Variants in SLC5A9 observed in about 807,000 individuals in gnomAD.
SLC5A9 encodes solute carrier family 5 member 9, also known as sodium/glucose cotransporter 4.
Under a neutral mutation model 70.9 loss-of-function variants are expected in SLC5A9, and 59 were observed. The observed-to-expected ratio is 0.83, with a 90% confidence interval of 0.68 to 1.03. The LOEUF is 1.03. Ranked by LOEUF, SLC5A9 falls within the 50% of genes least tolerant of loss-of-function variation. The pLI is 0.00. For missense variants in SLC5A9, 832 were observed against 881.1 expected (o/e 0.94, Z 0.71); for synonymous variants, 340 against 346.5 (o/e 0.98, Z 0.21).
intron 2 of SLC5A9, among the ~76,000 whole-genome samples, chr1:48,226,826 G>C (rs1219025933): frequency 6.6e-6 from 1 of 152,200 alleles, no homozygotes; most frequent in African/African-American, 2.4e-5. Context: ...ACTGCTCCAA[G>C]AACTGCCTGG....
chr1:48,229,065 T>A, intron 3 of SLC5A9, 111 bp downstream of exon 3: 1 of 1,613,918 alleles, frequency 6.2e-7, no homozygotes. Context: ...ACATGGTGAA[T>A]CGAGAATCCA....
chr1:48,229,889 G>C (rs1420683679), intron 4 of SLC5A9, among the ~76,000 whole-genome samples: 1 of 152,154 alleles, frequency 6.6e-6, no homozygotes, highest in Non-Finnish European at 1.5e-5. Flanking sequence ...TGAAGTGTGG[G>C]TTCCATGACC....
chr1:48,234,676 A>G (rs1230971310), intron 9 of SLC5A9, among the ~76,000 whole-genome samples: 3 of 152,120 alleles, frequency 2.0e-5, no homozygotes, highest in African/African-American at 7.2e-5. Flanking sequence ...GGGACATATG[A>G]AGAGAGGTGG....
chr1:48,247,314 C>T, intron 13 of SLC5A9, 21 bp from the exon 14 acceptor site: 1 of 1,611,382 alleles, frequency 6.2e-7, no homozygotes, highest in Non-Finnish European at 8.5e-7. Context: ...TCTCCTTTGT[C>T]TTCTGGCTTT....
At chr1:48,228,654 G>T in intron 2 of SLC5A9, 196 bp from the exon 3 acceptor site, 1 of 862,256 alleles carries the variant, frequency 1.2e-6, no homozygotes. Context: ...CCTTACATTA[G>T]TTCCTTCCTC....
At chr1:48,246,963 TG>T (rs1394488511) in intron 13 of SLC5A9, among the ~76,000 whole-genome samples, 1 of 152,222 alleles carries the variant, frequency 6.6e-6, no homozygotes, top group Admixed American at 6.5e-5. Flanking sequence ...TCCTTCTTCC[TG>T]GGTGAGATAA....
chr1:48,237,634 A>G (rs748220107), intron 10 of SLC5A9, 45 bp from the exon 11 acceptor site: 32 of 1,598,676 alleles, frequency 2.0e-5, no homozygotes, highest in Non-Finnish European at 2.1e-5. Flanking sequence ...ACACCACACC[A>G]TGCCCACCCG....
intron 3 of SLC5A9, 84 bp downstream of exon 3, chr1:48,229,038 G>A: frequency 6.2e-7 from 1 of 1,613,780 alleles, no homozygotes; most frequent in Non-Finnish European, 8.5e-7. Flanking sequence ...AGGATCCTTA[G>A]AGATGCCTGG....
rs1644476049 is a variant in SLC5A9 at position 48,247,760 on chromosome 1, G to A, written c.*217G>A. ...TGGGTTTGTTCAGGACCACCCAGAA[G>A]GTGTCACACGGGGTTTCCCCACTCT... On this transcript the variant is annotated 3_prime_UTR_variant, in exon 14 of 14. Coordinates refer to ENST00000438567, the MANE Select transcript of SLC5A9 (RefSeq NM_001011547.3). 3.4e-6 allele frequency: 2 copies of A among 588,472 alleles called. No homozygotes were observed. The highest frequency in any genetic ancestry group is 4.2e-5 in the South Asian group (2 of 47,906). The allele number at this position is 588,472 out of a possible 1,614,324, so 36.5% of individuals were successfully genotyped here.
In SLC5A9 at chr1:48,247,804, C is replaced by A. The variant is rs1289043716; in HGVS notation, c.*261C>A. 1.5e-5 allele frequency: 8 copies of A among 536,654 alleles called. No homozygotes were observed. The highest frequency in any genetic ancestry group is 2.7e-5 in the Non-Finnish European group (8 of 297,802). The allele number at this position is 536,654 out of a possible 1,614,324, so 33.2% of individuals were successfully genotyped here. ...CCACTCTTTCTGATATATTGCCTTA[C>A]AGACCTACCTCAAACACACTGTTTC... On this transcript the variant is annotated 3_prime_UTR_variant, in exon 14 of 14. Coordinates refer to ENST00000438567, the MANE Select transcript of SLC5A9 (RefSeq NM_001011547.3).
rs77800085 is a variant in SLC5A9 at position 48,239,823 on chromosome 1, C to T, written c.1677+286C>T. ...ATCCTCAGGGAGAAACAGACGCTGA[C>T]ACAAGCTATCACTATACAAAGAGAA... On this transcript the variant is annotated intron_variant, in intron 12 of 13. Transcript: ENST00000438567. The surrounding 1 kb of genome is among the most constrained non-coding windows in gnomAD (Gnocchi z 4.2). 9.3e-3 allele frequency among the ~76,000 whole-genome samples: 1,417 copies of T among 152,294 alleles called. 26 individuals carry two copies. Among genetic ancestry groups the T allele is most frequent in the African/African-American group, 0.033 (1,360 of 41,556 alleles).
intron 10 of SLC5A9, 130 bp from the exon 11 acceptor site, chr1:48,237,549 C>T (rs1022542497): frequency 4.9e-5 from 42 of 848,484 alleles, no homozygotes; most frequent in Non-Finnish European, 6.8e-5. Context: ...TTCTGGCTGC[C>T]AACCTTCTCT....
In SLC5A9 at chr1:48,235,723, C is replaced by G; in HGVS notation, c.1142-6C>G. ...AGCCGTTCACATGAGCCTCGTCTCTCCCCAGGTCTGCGGGGGCTGATGATT... is the reference window on the plus strand; with the variant it reads ...AGCCGTTCACATGAGCCTCGTCTCTGCCCAGGTCTGCGGGGGCTGATGATT... On this transcript the variant is annotated splice_region_variant and splice_polypyrimidine_tract_variant and intron_variant, in intron 9 of 13. Transcript: ENST00000438567. 6.2e-7 allele frequency: 1 copy of G among 1,614,184 alleles called. No individual in the cohort carries two copies. The highest frequency in any genetic ancestry group is 8.5e-7 in the Non-Finnish European group (1 of 1,180,020).
At position 48,242,631 on chromosome 1, in the gene SLC5A9, G is replaced by A. The variant is rs1421938917; in HGVS notation, c.1837+15G>A. 4 of 1,599,028 alleles carry A rather than the reference G, an allele frequency of 2.5e-6. No individual in the cohort carries two copies. The African/African-American group carries it at 5.4e-5, about 21-fold the overall frequency. On this transcript the variant is annotated intron_variant, in intron 13 of 13. Coordinates refer to ENST00000438567, the MANE Select transcript of SLC5A9 (RefSeq NM_001011547.3). Reference sequence around the variant, plus strand: ...GCAGCCTGAAGGTAGGCTGCGGCAGGCCGGGGGATACTCATCACAGAGGAA... The same window carrying A: ...GCAGCCTGAAGGTAGGCTGCGGCAGACCGGGGGATACTCATCACAGAGGAA...
At chr1:48,245,865 A>T (rs529251375) in intron 13 of SLC5A9, among the ~76,000 whole-genome samples, 1 of 152,056 alleles carries the variant, frequency 6.6e-6, no homozygotes, top group African/African-American at 2.4e-5. Context: ...GGAGGCTGAG[A>T]TGGGAGGACT....
At chr1:48,242,300 G>A (rs1644399904) in intron 12 of SLC5A9, 157 bp from the exon 13 acceptor site, 3 of 799,194 alleles carry the variant, frequency 3.8e-6, no homozygotes, top group African/African-American at 1.7e-5. Flanking sequence ...GAAAGAGGAA[G>A]TCAGGGCTGA....
intron 13 of SLC5A9, among the ~76,000 whole-genome samples, 167 bp downstream of exon 13, chr1:48,242,783 A>C (rs1644407917): frequency 6.6e-6 from 1 of 152,232 alleles, no homozygotes; most frequent in South Asian, 2.1e-4. Context: ...CAAATGAGTC[A>C]GGCAGATTGG....
At chr1:48,228,821 CTGACCCT>C (rs1406862869) in intron 2 of SLC5A9, 22 bp from the exon 3 acceptor site, 1 of 1,613,004 alleles carries the variant, frequency 6.2e-7, no homozygotes, top group Admixed American at 1.7e-5. Context: ...CTCCTGACTC[CTGACCCT>C]TGACCCAACT....
intron 8 of SLC5A9, among the ~76,000 whole-genome samples, chr1:48,233,263 A>G (rs1411563542): frequency 7.0e-6 from 1 of 143,424 alleles, no homozygotes; most frequent in Admixed American, 7.2e-5. Context: ...CAGGAGGCTG[A>G]GGCAGGAGAA....
Sources: allele counts gnomAD v4.1 joint callset (sites outside exome capture counted in the v4.1 genomes callset), GRCh38; gene constraint gnomAD v4.1.1; non-coding constraint Gnocchi (gnomAD v3.1); transcripts MANE v1.5; gene names NCBI Gene and HGNC (gene_info 2026-07-23, HGNC 2026-07-21).